ZNF790: variants seen among roughly 807,000 people sequenced by gnomAD.
ZNF790 encodes the protein zinc finger protein 790.
ZNF790 carries 8 observed loss-of-function variants against 12.1 expected under a neutral mutation model. The ratio of observed to expected loss-of-function variants is 0.66; its 90% CI spans 0.39 to 1.19. ZNF790 has a LOEUF of 1.19. Among genes scored for constraint, ZNF790 ranks in the 50% most tolerant of loss-of-function variants. The probability of loss-of-function intolerance (pLI) is 0.01; values close to 1 mark genes in which losing one functional copy is unlikely to be tolerated. For missense variants in ZNF790, 707 were observed against 752.2 expected (o/e 0.94, Z 0.70); for synonymous variants, 252 against 244.3 (o/e 1.03, Z -0.29).
At chr19:36,843,294 T>G (rs566592382), upstream of ZNF790, among the ~76,000 whole-genome samples, 58 of 152,336 alleles carry the variant, frequency 3.8e-4, no homozygotes, top group Admixed American at 1.1e-3. Context: ...TACCCATTTC[T>G]GAAACTGGTT....
rs1484947433 is a variant in ZNF790, at chr19:36,831,163, A to C, written c.-73-5471T>G. 2.0e-5 allele frequency among the ~76,000 whole-genome samples: 3 copies of C among 151,454 alleles called. No individual in the cohort carries two copies. The East Asian group carries it at 5.8e-4, about 29-fold the overall frequency. ...AAAACAACAACAACAACAACAACAAAAAACACACAAAGTTTTAAAAGTGTG... is the reference window on the plus strand; with the variant it reads ...AAAACAACAACAACAACAACAACAACAAACACACAAAGTTTTAAAAGTGTG... On this transcript the variant is annotated intron_variant, in intron 1 of 4. Transcript: ENST00000356725.
At chr19:36,832,632 G>C (rs2071965217) in intron 1 of ZNF790, among the ~76,000 whole-genome samples, 1 of 152,082 alleles carries the variant, frequency 6.6e-6, no homozygotes, top group Non-Finnish European at 1.5e-5. Context: ...CCAAGAGTGT[G>C]ACTGCAACCT....
rs773945996 is a variant in ZNF790 at position 36,819,546 on chromosome 19, A to G, written c.798T>C (p.His266=). The change falls in exon 5 of 5, where the codon CAT becomes CAC. Residue 266 remains histidine (H), a synonymous_variant. Coordinates refer to ENST00000356725, the MANE Select transcript of ZNF790 (RefSeq NM_206894.4). ...CKDCGKAFRF[H]SQLSVHKRIH... ...TTCGCTTATGGACACTAAGTTGTGA[A>G]TGAAATCTAAAGGCTTTCCCACAAT... The G allele has an allele frequency of 1.9e-6, 3 of 1,612,858 alleles. No homozygotes were observed. Among genetic ancestry groups the G allele is most frequent in the Admixed American group, 1.7e-5 (1 of 59,798 alleles).
At chr19:36,842,144 G>A (rs1482789905), upstream of ZNF790, among the ~76,000 whole-genome samples, 1 of 152,194 alleles carries the variant, frequency 6.6e-6, no homozygotes, top group Non-Finnish European at 1.5e-5. Context: ...CATAGAAAAT[G>A]TAAACGTCTG....
chr19:36,843,898 C>T (rs1410674571), intron 1 of ZNF790, among the ~76,000 whole-genome samples: 1 of 151,290 alleles, frequency 6.6e-6, no homozygotes, highest in Admixed American at 6.6e-5. Context: ...ATCCCAGCTG[C>T]TCGGGAGGCT....
chr19:36,820,144 C>T (rs776858602), intron 4 of ZNF790, 30 bp from the exon 5 acceptor site: 16 of 1,576,178 alleles, frequency 1.0e-5, no homozygotes, highest in Middle Eastern at 1.7e-4. Flanking sequence ...AAACATCATA[C>T]GGTTGTATGT....
chr19:36,829,093 A>G (rs1410488562), intron 1 of ZNF790, among the ~76,000 whole-genome samples: 3 of 152,196 alleles, frequency 2.0e-5, no homozygotes, highest in South Asian at 2.1e-4. Flanking sequence ...GTGGCAAAAC[A>G]CATTGGTTGT....
Position 36,819,539 on chromosome 19 carries a change from G to A in ZNF790, c.805C>T (p.Leu269Phe), listed in dbSNP as rs1203440636. 5 of 1,612,968 alleles carry A rather than the reference G, an allele frequency of 3.1e-6. No homozygotes were observed. The highest frequency in any genetic ancestry group is 4.5e-5 in the East Asian group (2 of 44,848). The stretch of plus-strand genomic sequence containing the variant: ...GTATGAATTCGCTTATGGACACTAA[G>A]TTGTGAATGAAATCTAAAGGCTTTC... ...CGKAFRFHSQ[L>F]SVHKRIHTGE... The change falls in exon 5 of 5, where the codon CTT becomes TTT. Residue 269 changes from leucine to phenylalanine, a missense_variant. Leu to Phe is a conservative substitution (Grantham distance 22). Coordinates refer to ENST00000356725, the MANE Select transcript of ZNF790 (RefSeq NM_206894.4).
intron 1 of ZNF790, among the ~76,000 whole-genome samples, chr19:36,826,594 T>A (rs1400213258): frequency 7.4e-6 from 1 of 135,206 alleles, no homozygotes; most frequent in Non-Finnish European, 1.5e-5. Flanking sequence ...AAAAAAAAAA[T>A]TATATATAGA....
chr19:36,822,431 CA>C (rs1410205874), intron 4 of ZNF790, among the ~76,000 whole-genome samples: 1 of 152,248 alleles, frequency 6.6e-6, no homozygotes, highest in East Asian at 1.9e-4. Flanking sequence ...AATGAGAGCA[CA>C]AAAATAGAGT....
In ZNF790 at chr19:36,820,180, T is replaced by C. The variant is rs545090803; in HGVS notation, c.230-66A>G. The C allele has an allele frequency of 2.0e-5, 29 of 1,476,516 alleles. 1 individual carries two copies. The African/African-American group carries it at 3.9e-4, about 20-fold the overall frequency. The allele number at this position is 1,476,516 out of a possible 1,614,324, so 91.5% of individuals were successfully genotyped here. A position where few individuals can be genotyped will look rare whatever the true frequency, so the allele number is the denominator to read the frequency against. ...ACAAAAAGCAATACAACTTCTAAAA[T>C]AGATATAGAAAATCTTGAAGTAAAG... is the stretch of plus-strand genomic sequence containing the variant. On this transcript the variant is annotated intron_variant, in intron 4 of 4. Coordinates refer to ENST00000356725, the MANE Select transcript of ZNF790 (RefSeq NM_206894.4).
intron 1 of ZNF790, among the ~76,000 whole-genome samples, chr19:36,832,171 C>A (rs1016446214): frequency 6.6e-6 from 1 of 152,140 alleles, no homozygotes; most frequent in Non-Finnish European, 1.5e-5. Flanking sequence ...AGAAGACATA[C>A]TCCAGCCACA....
chr19:36,835,097 C>T (rs1203316353), intron 1 of ZNF790, among the ~76,000 whole-genome samples: 1 of 152,156 alleles, frequency 6.6e-6, no homozygotes, highest in Non-Finnish European at 1.5e-5. Flanking sequence ...ACCAGCCTGG[C>T]CAATGTGGTG....
At chr19:36,832,687 C>A (rs1231546371) in intron 1 of ZNF790, among the ~76,000 whole-genome samples, 1 of 152,154 alleles carries the variant, frequency 6.6e-6, no homozygotes, top group African/African-American at 2.4e-5. Flanking sequence ...CACTCCTGAA[C>A]TCCTGGTCCA....
At chr19:36,822,484 G>T (rs2071694871) in intron 4 of ZNF790, among the ~76,000 whole-genome samples, 1 of 152,082 alleles carries the variant, frequency 6.6e-6, no homozygotes, top group African/African-American at 2.4e-5. Context: ...AAAAGGTTTT[G>T]TCTCTATCTA....
chr19:36,840,955 G>A (rs1253969216), upstream of ZNF790, among the ~76,000 whole-genome samples: 2 of 152,046 alleles, frequency 1.3e-5, no homozygotes, highest in African/African-American at 4.8e-5. Context: ...ACTCTAGCCT[G>A]GGCAACAAAG....
intron 1 of ZNF790, among the ~76,000 whole-genome samples, chr19:36,831,540 CAGTG>C (rs1485529717): frequency 6.6e-6 from 1 of 152,166 alleles, no homozygotes; most frequent in African/African-American, 2.4e-5. Context: ...CTGGGCAACA[CAGTG>C]AGACCCCCAT....
rs1410787240 is a variant in ZNF790, at chr19:36,818,196, T to C, written c.*237A>G. ...AGAATGATTCAAAAAGAATTCATGC[T>C]ATCTCATAAAATTTTACCCTGATAT... On this transcript the variant is annotated 3_prime_UTR_variant, in exon 5 of 5. Coordinates refer to ENST00000356725, the MANE Select transcript of ZNF790 (RefSeq NM_206894.4). The C allele has an allele frequency of 1.3e-5, 4 of 313,228 alleles. No individual in the cohort carries two copies. The highest frequency in any genetic ancestry group is 2.3e-5 in the Non-Finnish European group (4 of 170,412). 19.4% of individuals were successfully genotyped at this position (313,228 alleles called of 1,614,324 possible). A position where few individuals can be genotyped will look rare whatever the true frequency, so the allele number is the denominator to read the frequency against.
intron 1 of ZNF790, among the ~76,000 whole-genome samples, chr19:36,829,532 C>G (rs759207942): frequency 3.3e-5 from 5 of 152,188 alleles, no homozygotes; most frequent in Non-Finnish European, 5.9e-5. Context: ...ACCCATTCGT[C>G]TATTAATGGA....
Sources: allele counts gnomAD v4.1 joint callset (sites outside exome capture counted in the v4.1 genomes callset), GRCh38; gene constraint gnomAD v4.1.1; transcripts MANE v1.5; gene names NCBI Gene and HGNC (gene_info 2026-07-23, HGNC 2026-07-21).